BCL2L13: variants seen among roughly 807,000 people sequenced by gnomAD.
BCL2L13 encodes bcl-2-like protein 13.
A neutral mutation model predicts 25.8 loss-of-function variants in BCL2L13; 13 were observed. The ratio of observed to expected loss-of-function variants is 0.50; its 90% confidence interval spans 0.33 to 0.80. The LOEUF is 0.80. Ranked by LOEUF, BCL2L13 falls within the 30% of genes least tolerant of loss-of-function variation. The pLI, the probability that BCL2L13 is intolerant of heterozygous loss-of-function variation, is 0.02. For missense variants in BCL2L13, 504 were observed against 574.9 expected (o/e 0.88, Z 1.26); for synonymous variants, 244 against 230.3 (o/e 1.06, Z -0.54).
At chr22:17,681,246 C>G (rs2059745628) in intron 2 of BCL2L13, among the ~76,000 whole-genome samples, 1 of 152,060 alleles carries the variant, frequency 6.6e-6, no homozygotes, top group Non-Finnish European at 1.5e-5. Context: ...GTGGCTCACA[C>G]CTGTAATCCC....
intron 1 of BCL2L13, among the ~76,000 whole-genome samples, chr22:17,631,681 TATATATATATATATATATATATATA>T (rs1306409153): frequency 1.7e-4 from 4 of 23,652 alleles, no homozygotes; most frequent in Admixed American, 6.8e-4. Flanking sequence ...TATATATATA[TATATATATATATATATATATATATA>T]TTTTTTTTTT....
intron 5 of BCL2L13, among the ~76,000 whole-genome samples, chr22:17,698,726 C>T (rs2060344889): frequency 6.6e-6 from 1 of 151,686 alleles, no homozygotes; most frequent in Non-Finnish European, 1.5e-5. Flanking sequence ...CAGACTGTCT[C>T]AGAAAAAAAA....
At chr22:17,716,477 A>C (rs2535674) in intron 6 of BCL2L13, among the ~76,000 whole-genome samples, 21,202 of 152,168 alleles carry the variant, frequency 0.14, 2,031 homozygotes, top group Non-Finnish European at 0.21. Flanking sequence ...TGCCAGGAGA[A>C]GCCTCCCCTC....
chr22:17,674,503 G>A (rs2059515919), intron 2 of BCL2L13, among the ~76,000 whole-genome samples: 1 of 151,978 alleles, frequency 6.6e-6, no homozygotes, highest in Non-Finnish European at 1.5e-5. Context: ...CTACTAGGGA[G>A]GCTGAGGTGG....
rs1487830892 is a variant in BCL2L13 at position 17,702,433 on chromosome 22, G to C, written c.600+47G>C. ...AAATATTTTCTTGAAAAAAAATTAGGTTTGTTGTTTTTCTTAAGAGATGGG... is the reference window on the plus strand; with the variant it reads ...AAATATTTTCTTGAAAAAAAATTAGCTTTGTTGTTTTTCTTAAGAGATGGG... On this transcript the variant is annotated intron_variant, in intron 6 of 6. Transcript: ENST00000317582. 4 of 1,455,804 alleles carry C rather than the reference G, an allele frequency of 2.7e-6. No homozygotes were observed. In the East Asian group the frequency reaches 1.1e-4, roughly 40 times the overall value. The allele number at this position is 1,455,804 out of a possible 1,614,324, so 90.2% of individuals were successfully genotyped here. A position where few individuals can be genotyped will look rare whatever the true frequency, so the allele number is the denominator to read the frequency against.
chr22:17,662,274 C>G (rs536838213), intron 2 of BCL2L13, among the ~76,000 whole-genome samples: 1 of 152,020 alleles, frequency 6.6e-6, no homozygotes, highest in Non-Finnish European at 1.5e-5. Context: ...GTCAGGAGAT[C>G]GAGACCATCC....
chr22:17,695,813 T>C, intron 4 of BCL2L13: 1 of 201,672 alleles, frequency 5.0e-6, no homozygotes, highest in Non-Finnish European at 1.0e-5. Context: ...ATTTTTGTTA[T>C]TATTTTATCC....
intron 2 of BCL2L13, among the ~76,000 whole-genome samples, 166 bp from the exon 3 acceptor site, chr22:17,683,048 G>A (rs942345551): frequency 1.3e-5 from 2 of 151,388 alleles, no homozygotes; most frequent in South Asian, 2.1e-4. Context: ...CAGGAGAATC[G>A]CTTGAACCTA....
chr22:17,637,116 T>C (rs1455171093), upstream of BCL2L13, among the ~76,000 whole-genome samples: 1 of 151,408 alleles, frequency 6.6e-6, no homozygotes, highest in African/African-American at 2.4e-5. Flanking sequence ...CTATTAAAAA[T>C]TTTTAAAAAG....
chr22:17,630,704 C>T (rs2057996304), intron 1 of BCL2L13, among the ~76,000 whole-genome samples: 1 of 151,368 alleles, frequency 6.6e-6, no homozygotes, highest in Non-Finnish European at 1.5e-5. Context: ...GATTCTCCTG[C>T]CTCAGCCTCC....
At position 17,727,099 on chromosome 22, in the gene BCL2L13, C is replaced by G. The variant is rs149030911; in HGVS notation, c.1023C>G (p.Ala341=). Residue 341 remains alanine, a synonymous_variant, in exon 7 of 7, where the codon GCC becomes GCG. Coordinates refer to ENST00000317582, the MANE Select transcript of BCL2L13 (RefSeq NM_015367.4). ...ARELQEALPE[A]PAPLLPHITA... ...AGCTGCAAGAGGCACTTCCTGAAGC[C>G]CCAGCTCCCTTGCTTCCACATATCA... 1 of 1,614,072 alleles carries G rather than the reference C, an allele frequency of 6.2e-7. No homozygotes were observed. Among genetic ancestry groups the G allele is most frequent in the African/African-American group, 1.3e-5 (1 of 74,924 alleles).
intron 6 of BCL2L13, among the ~76,000 whole-genome samples, chr22:17,719,574 A>G (rs2061044318): frequency 6.6e-6 from 1 of 152,196 alleles, no homozygotes; most frequent in African/African-American, 2.4e-5. Flanking sequence ...ATTCTCAGCC[A>G]TAAAGAAGAA....
chr22:17,729,105 A>G lies in BCL2L13; in HGVS notation c.*1571A>G, dbSNP rs1200674812. 2.6e-5 allele frequency: 4 copies of G among 152,248 alleles called. No homozygotes were observed. The highest frequency in any genetic ancestry group is 3.8e-4 in the East Asian group (2 of 5,202). The allele number at this position is 152,248 out of a possible 1,614,324, so 9.4% of individuals were successfully genotyped here. A position where few individuals can be genotyped will look rare whatever the true frequency, so the allele number is the denominator to read the frequency against. On this transcript the variant is annotated 3_prime_UTR_variant, in exon 7 of 7. Coordinates refer to ENST00000317582, the MANE Select transcript of BCL2L13 (RefSeq NM_015367.4). ...AATTATTTTTTAGATCTTGAAATTTATAATAAAAATACTTTACCTACCCTG... is the reference window on the plus strand; with the variant it reads ...AATTATTTTTTAGATCTTGAAATTTGTAATAAAAATACTTTACCTACCCTG...
intron 1 of BCL2L13, among the ~76,000 whole-genome samples, chr22:17,641,554 C>T (rs1395883623): frequency 6.6e-6 from 1 of 152,048 alleles, no homozygotes; most frequent in Non-Finnish European, 1.5e-5. Context: ...ACTTTATTGA[C>T]ATATAATTAA....
chr22:17,649,005 G>A (rs1163593217), intron 1 of BCL2L13, among the ~76,000 whole-genome samples: 1 of 151,900 alleles, frequency 6.6e-6, no homozygotes, highest in Non-Finnish European at 1.5e-5. Flanking sequence ...TATTATCACA[G>A]GCTCACTGCA....
At chr22:17,634,311 G>A (rs185600825), upstream of BCL2L13, among the ~76,000 whole-genome samples, 9 of 151,836 alleles carry the variant, frequency 5.9e-5, no homozygotes, top group East Asian at 5.9e-4. Context: ...TCAGTCTCCC[G>A]AGTAGCTGGG....
At chr22:17,637,822 C>CTCA (rs2058138729), upstream of BCL2L13, among the ~76,000 whole-genome samples, 1 of 152,184 alleles carries the variant, frequency 6.6e-6, no homozygotes, top group Non-Finnish European at 1.5e-5. Flanking sequence ...ACTCTTTTAT[C>CTCA]ACTTCCTTTA....
At chr22:17,698,556 T>TAAA (rs55650486) in intron 5 of BCL2L13, among the ~76,000 whole-genome samples, 6 of 129,890 alleles carry the variant, frequency 4.6e-5, no homozygotes, top group Non-Finnish European at 7.8e-5. Flanking sequence ...CCCTGTCTCT[T>TAAA]AAAAAAAAAA....
At chr22:17,641,965 G>A (rs2058304912) in intron 1 of BCL2L13, among the ~76,000 whole-genome samples, 1 of 150,352 alleles carries the variant, frequency 6.7e-6, no homozygotes, top group African/African-American at 2.4e-5. Context: ...ACGCCCGGCT[G>A]ATTTTTTGTA....
Sources: gnomAD v4.1 joint callset for allele counts (sites outside exome capture counted in the v4.1 genomes callset) on GRCh38, gnomAD v4.1.1 for gene constraint, MANE v1.5 for transcripts, NCBI Gene and HGNC (gene_info 2026-07-23, HGNC 2026-07-21) for gene names.